The following GPHN variants were observed in gnomAD, a reference collection of about 807,000 sequenced individuals.
The protein encoded by GPHN is gephyrin.
In GPHN, 17 loss-of-function variants were observed where a neutral mutation model predicts 95.5. The observed-to-expected ratio is 0.18, with a 90% confidence interval of 0.12 to 0.27. The LOEUF (loss-of-function observed/expected upper bound fraction) is 0.27, where lower values mean the gene tolerates loss of function less well. Ranked by LOEUF, GPHN falls within the 10% of genes least tolerant of loss-of-function variation. GPHN has a pLI of 1.00. For missense variants in GPHN, 660 were observed against 978.1 expected (o/e 0.67, Z 4.34); for synonymous variants, 320 against 322.5 (o/e 0.99, Z 0.08).
rs528533044 is a variant in GPHN, at chr14:66,597,549, G to A, written c.65-83558G>A. On this transcript the variant is annotated intron_variant, in intron 1 of 22. Coordinates refer to ENST00000478722, the MANE Select transcript of GPHN (RefSeq NM_020806.5). ...AATTAGAGTGGGTGCCAGGAGTGGG[G>A]AGAGGCCAGGCAGCAGGAGCAGACT... is the stretch of plus-strand genomic sequence containing the variant. Among the ~76,000 whole-genome samples, 5 of 152,310 alleles carry A rather than the reference G, an allele frequency of 3.3e-5. No individual in the cohort carries two copies. In the South Asian group the frequency reaches 1.0e-3, roughly 32 times the overall value.
the GPHN span, chr14:67,387,470 AG>A: frequency 6.3e-7 from 1 of 1,596,804 alleles, no homozygotes; most frequent in Non-Finnish European, 8.5e-7. Context: ...GGCAGAAAAA[AG>A]GGGGAAAAAA....
the GPHN span, among the ~76,000 whole-genome samples, chr14:67,639,924 C>CAAAAAAAAAA: frequency 1.6e-5 from 1 of 61,832 alleles, no homozygotes; most frequent in Non-Finnish European, 2.9e-5. Context: ...GACCCTGTCT[C>CAAAAAAAAAA]AAAAAAAAAA....
chr14:66,539,416 T>TA (rs964074950), intron 1 of GPHN, among the ~76,000 whole-genome samples: 2 of 145,444 alleles, frequency 1.4e-5, no homozygotes, highest in African/African-American at 5.2e-5. Context: ...TTTCTTTTTT[T>TA]TTTTTTTTTT....
chr14:66,671,200 C>T (rs1017994637), intron 1 of GPHN, among the ~76,000 whole-genome samples: 1 of 152,124 alleles, frequency 6.6e-6, no homozygotes, highest in Non-Finnish European at 1.5e-5. Context: ...GCATATTAAT[C>T]ATTTGGAATA....
chr14:66,759,919 A>G (rs1450996355), intron 2 of GPHN, among the ~76,000 whole-genome samples: 2 of 152,170 alleles, frequency 1.3e-5, no homozygotes, highest in African/African-American at 2.4e-5. Context: ...GTTTTTGTAT[A>G]TTTTTAGAAT....
the GPHN span, among the ~76,000 whole-genome samples, chr14:67,327,718 TTA>T: frequency 3.2e-4 from 49 of 151,830 alleles, 2 homozygotes; most frequent in East Asian, 9.4e-3. Flanking sequence ...CAGTTCCCAC[TTA>T]TGAGTGAGAA....
intron 1 of GPHN, among the ~76,000 whole-genome samples, chr14:66,582,868 A>C (rs2043142228): frequency 6.6e-6 from 1 of 152,210 alleles, no homozygotes; most frequent in Non-Finnish European, 1.5e-5. Flanking sequence ...TCTTTATAGC[A>C]GCATGATTTA....
At chr14:67,493,938 G>C in the GPHN span, among the ~76,000 whole-genome samples, 1 of 151,912 alleles carries the variant, frequency 6.6e-6, no homozygotes, top group African/African-American at 2.4e-5. Flanking sequence ...TTGTTCTGGG[G>C]AATCTGTGAC....
the GPHN span, among the ~76,000 whole-genome samples, chr14:67,462,532 T>C: frequency 6.6e-6 from 1 of 151,930 alleles, no homozygotes; most frequent in African/African-American, 2.4e-5. Context: ...AAAACAGAGA[T>C]AGGGTCTTGC....
chr14:67,057,592 A>G (rs764882895), intron 10 of GPHN, among the ~76,000 whole-genome samples: 1 of 152,208 alleles, frequency 6.6e-6, no homozygotes, highest in Non-Finnish European at 1.5e-5. Flanking sequence ...AACAGTAAAT[A>G]AAATAAGTAA....
At chr14:66,757,536 C>T (rs575307037) in intron 2 of GPHN, among the ~76,000 whole-genome samples, 3 of 152,172 alleles carry the variant, frequency 2.0e-5, no homozygotes, top group East Asian at 1.9e-4. Flanking sequence ...ATAACAAGCG[C>T]GTACCACCCT....
At chr14:66,883,134 G>C (rs1318565954) in intron 5 of GPHN, among the ~76,000 whole-genome samples, 2 of 151,098 alleles carry the variant, frequency 1.3e-5, no homozygotes, top group Admixed American at 6.6e-5. Context: ...CCTTTTTTTT[G>C]CTGCTCCTAT....
the GPHN span, among the ~76,000 whole-genome samples, chr14:67,235,237 C>T: frequency 1.6e-4 from 24 of 151,782 alleles, no homozygotes; most frequent in African/African-American, 5.3e-4. Context: ...ATTAAAGTAG[C>T]ACTGAAATTT....
At chr14:67,352,166 C>T in the GPHN span, among the ~76,000 whole-genome samples, 35 of 151,906 alleles carry the variant, frequency 2.3e-4, no homozygotes, top group Admixed American at 1.9e-3. Flanking sequence ...ATAGAAAATG[C>T]TTTTGTTAAG....
intron 9 of GPHN, among the ~76,000 whole-genome samples, chr14:66,989,677 A>T (rs1255907327): frequency 2.0e-5 from 3 of 149,936 alleles, no homozygotes; most frequent in East Asian, 1.9e-4. Flanking sequence ...AAAAAAACCT[A>T]TCCAAAGGCA....
chr14:67,298,838 A>T, the GPHN span, among the ~76,000 whole-genome samples: 45 of 152,060 alleles, frequency 3.0e-4, no homozygotes, highest in African/African-American at 1.1e-3. Flanking sequence ...ACCTCTTTCA[A>T]TCCTCAGGCC....
At chr14:67,397,849 T>C in the GPHN span, 3 of 1,589,890 alleles carry the variant, frequency 1.9e-6, no homozygotes, top group African/African-American at 1.3e-5. Flanking sequence ...AAGAAAGCCC[T>C]GAGGTGAGGC....
chr14:66,728,444 C>T (rs1426220398), intron 2 of GPHN, among the ~76,000 whole-genome samples: 3 of 152,226 alleles, frequency 2.0e-5, no homozygotes, highest in Non-Finnish European at 4.4e-5. Context: ...TCAATGCCAG[C>T]CCATGGCAGC....
Position 67,166,662 on chromosome 14 carries a change from TTTTGTTTG to T in GPHN, c.1975+1452_1975+1459del, listed in dbSNP as rs113684530. On this transcript the variant is annotated intron_variant, in intron 20 of 22. Transcript: ENST00000478722. The stretch of plus-strand genomic sequence containing the variant: ...TTGTTTGTTTTTTGTGTTTTGTGTT[TTTTGTTTG>T]TTTGTTTGTTTGTTTTTGAGACAAG... Among the ~76,000 whole-genome samples the T allele has an allele frequency of 2.6e-5, 4 of 152,032 alleles. 1 individual carries two copies. The highest frequency in any genetic ancestry group is 6.6e-5 in the Admixed American group (1 of 15,250).
Sources: allele counts gnomAD v4.1 joint callset (sites outside exome capture counted in the v4.1 genomes callset), GRCh38; gene constraint gnomAD v4.1.1; transcripts MANE v1.5; gene names NCBI Gene and HGNC (gene_info 2026-07-23, HGNC 2026-07-21).